Variants in FBXO16 observed in about 807,000 individuals in gnomAD.
The protein encoded by FBXO16 is F-box protein 16.
In FBXO16, 31 loss-of-function variants were observed where a neutral mutation model predicts 41.0. That is an observed-to-expected ratio of 0.76 (90% CI 0.57 to 1.02). The LOEUF (loss-of-function observed/expected upper bound fraction) is 1.02, where lower values mean the gene tolerates loss of function less well. FBXO16 is among the 50% of genes least tolerant of loss of function. The pLI is 0.00. For missense variants in FBXO16, 361 were observed against 346.2 expected (o/e 1.04, Z -0.34); for synonymous variants, 133 against 117.8 (o/e 1.13, Z -0.84).
At chr8:28,460,742 T>G (rs183775659) in intron 4 of FBXO16, among the ~76,000 whole-genome samples, 60 of 152,050 alleles carry the variant, frequency 3.9e-4, no homozygotes, top group Non-Finnish European at 7.4e-5. Context: ...TGACTAATTT[T>G]TAACTTTTGT....
At chr8:28,460,323 A>C (rs1002173370) in intron 4 of FBXO16, among the ~76,000 whole-genome samples, 1 of 119,156 alleles carries the variant, frequency 8.4e-6, no homozygotes, top group Non-Finnish European at 1.6e-5. Context: ...ATCATAGCTT[A>C]CTGTAGCCTT....
intron 2 of FBXO16, among the ~76,000 whole-genome samples, chr8:28,479,037 C>G (rs1351029159): frequency 6.6e-6 from 1 of 152,078 alleles, no homozygotes; most frequent in Non-Finnish European, 1.5e-5. Flanking sequence ...GATGCCTCCT[C>G]CTGCTTTGCC....
chr8:28,428,720 C>T lies in FBXO16; in HGVS notation c.*7G>A, dbSNP rs1470651519. The T allele has an allele frequency of 3.2e-6, 5 of 1,563,968 alleles. No homozygotes were observed. Among genetic ancestry groups the T allele is most frequent in the Non-Finnish European group, 4.3e-6 (5 of 1,157,694 alleles). On this transcript the variant is annotated 3_prime_UTR_variant, in exon 9 of 9. Coordinates refer to ENST00000380254, the MANE Select transcript of FBXO16 (RefSeq NM_172366.4). ...ATGAGCTGGAACTTTTAGGGGAGAG[C>T]TGGCACTTAGGGACATCTAGAAAGG...
At position 28,472,824 on chromosome 8, in the gene FBXO16, A is replaced by G. The variant is rs544060963; in HGVS notation, c.135+948T>C. Reference sequence around the variant, plus strand: ...GGCTCCCTGATAAATGCTGCCAATGAGGAGGAAGGTGCTAGAGGGAAACTG... The same window carrying G: ...GGCTCCCTGATAAATGCTGCCAATGGGGAGGAAGGTGCTAGAGGGAAACTG... On this transcript the variant is annotated intron_variant, in intron 3 of 8. Transcript: ENST00000380254. Among the ~76,000 whole-genome samples, 8 of 152,326 alleles carry G rather than the reference A, an allele frequency of 5.3e-5. No individual in the cohort carries two copies. The South Asian group carries it at 1.7e-3, about 32-fold the overall frequency.
intron 4 of FBXO16, among the ~76,000 whole-genome samples, chr8:28,462,963 C>A (rs1803161334): frequency 6.6e-6 from 1 of 152,202 alleles, no homozygotes; most frequent in Non-Finnish European, 1.5e-5. Flanking sequence ...TGCTGATGAA[C>A]CATTTCTTAC....
intron 2 of FBXO16, 93 bp downstream of exon 2, chr8:28,483,251 TTAAA>T: frequency 1.7e-6 from 2 of 1,159,450 alleles, no homozygotes; most frequent in Non-Finnish European, 2.5e-6. Context: ...TTACACAATC[TTAAA>T]TAATCCCTGT....
chr8:28,463,513 T>C, intron 4 of FBXO16, 99 bp downstream of exon 4: 1 of 1,120,692 alleles, frequency 8.9e-7, no homozygotes, highest in Non-Finnish European at 1.3e-6. Flanking sequence ...TATATGTGTG[T>C]GTGTGTATGC....
chr8:28,441,417 G>A (rs1457641659), intron 7 of FBXO16, among the ~76,000 whole-genome samples: 2 of 152,208 alleles, frequency 1.3e-5, no homozygotes, highest in African/African-American at 4.8e-5. Context: ...CCTTCCCTAA[G>A]AATTACATGC....
intron 1 of FBXO16, among the ~76,000 whole-genome samples, chr8:28,485,848 C>T (rs4585702): frequency 6.6e-6 from 1 of 152,194 alleles, no homozygotes; most frequent in Admixed American, 6.5e-5. Flanking sequence ...TGCCTCACAC[C>T]TGTAATAGCA....
At chr8:28,456,584 C>G (rs1803041765) in intron 5 of FBXO16, 182 bp downstream of exon 5, 1 of 698,452 alleles carries the variant, frequency 1.4e-6, no homozygotes, top group Non-Finnish European at 2.3e-6. Context: ...TGAGGGCTCT[C>G]AACTAACATG....
At chr8:28,476,757 T>C (rs1215396337) in intron 2 of FBXO16, among the ~76,000 whole-genome samples, 1 of 152,186 alleles carries the variant, frequency 6.6e-6, no homozygotes, top group Admixed American at 6.5e-5. Flanking sequence ...GATTGATTGA[T>C]GGTAACTGGG....
chr8:28,438,234 T>C (rs1802713585), intron 7 of FBXO16, among the ~76,000 whole-genome samples: 1 of 152,202 alleles, frequency 6.6e-6, no homozygotes, highest in East Asian at 1.9e-4. Context: ...GAGAATTACT[T>C]GAACCTGAGA....
At chr8:28,474,872 T>A (rs1052244286) in intron 2 of FBXO16, among the ~76,000 whole-genome samples, 2 of 152,236 alleles carry the variant, frequency 1.3e-5, no homozygotes, top group Non-Finnish European at 2.9e-5. Context: ...CAGTACAATG[T>A]GAGTATCTTT....
At chr8:28,482,767 C>T (rs1013451261) in intron 2 of FBXO16, among the ~76,000 whole-genome samples, 2 of 150,744 alleles carry the variant, frequency 1.3e-5, no homozygotes, top group Non-Finnish European at 3.0e-5. Flanking sequence ...TTAGTAGAAA[C>T]GGGGTTTCAC....
At chr8:28,482,454 A>C (rs1335596109) in intron 2 of FBXO16, among the ~76,000 whole-genome samples, 3 of 152,164 alleles carry the variant, frequency 2.0e-5, no homozygotes, top group Non-Finnish European at 4.4e-5. Context: ...GCAGGAATAG[A>C]AACCCCTAGA....
intron 5 of FBXO16, among the ~76,000 whole-genome samples, chr8:28,454,649 G>A (rs576294241): frequency 1.2e-4 from 18 of 148,906 alleles, no homozygotes; most frequent in Admixed American, 6.1e-4. Flanking sequence ...AATGGCGTGA[G>A]CCCGGGAGGC....
rs1803434308 is a variant in FBXO16 at position 28,477,065 on chromosome 8, T to A, written c.100-3258A>T. 2.0e-5 allele frequency among the ~76,000 whole-genome samples: 3 copies of A among 152,128 alleles called. No individual in the cohort carries two copies. The South Asian group carries it at 6.2e-4, about 32-fold the overall frequency. On this transcript the variant is annotated intron_variant, in intron 2 of 8. Coordinates refer to ENST00000380254, the MANE Select transcript of FBXO16 (RefSeq NM_172366.4). ...TCACCCAAAATTCACAATGCTTGAA[T>A]AACTTACTAATCTGTTATATATGCC...
chr8:28,464,365 T>C (rs931388281), intron 3 of FBXO16, among the ~76,000 whole-genome samples: 5 of 152,180 alleles, frequency 3.3e-5, no homozygotes, highest in African/African-American at 1.2e-4. Context: ...AGGAAGTGAA[T>C]GCCAAAGGAA....
At chr8:28,480,331 G>C (rs971831165) in intron 2 of FBXO16, among the ~76,000 whole-genome samples, 1 of 152,154 alleles carries the variant, frequency 6.6e-6, no homozygotes, top group Non-Finnish European at 1.5e-5. Flanking sequence ...GTTCAGGTTT[G>C]ATGACGGCTT....
Sources: gnomAD v4.1 joint callset for allele counts (sites outside exome capture counted in the v4.1 genomes callset) on GRCh38, gnomAD v4.1.1 for gene constraint, MANE v1.5 for transcripts, NCBI Gene and HGNC (gene_info 2026-07-23, HGNC 2026-07-21) for gene names.